Variants in PDGFD observed in about 807,000 individuals in gnomAD.
PDGFD encodes platelet-derived growth factor D.
A neutral mutation model predicts 44.7 loss-of-function variants in PDGFD; 30 were observed. The ratio of observed to expected loss-of-function variants is 0.67; its 90% CI spans 0.50 to 0.91. The LOEUF (loss-of-function observed/expected upper bound fraction) is 0.91. Ranked by LOEUF, PDGFD falls within the 40% of genes least tolerant of loss-of-function variation. The pLI, the probability that PDGFD is intolerant of heterozygous loss-of-function variation, is 0.00. For synonymous variants in PDGFD, 173 were observed against 168.4 expected, an observed-to-expected ratio of 1.03 and a Z score of -0.21; for missense variants, 445 against 457.8, an observed-to-expected ratio of 0.97 and a Z score of 0.25.
chr11:104,033,373 A>T (rs1860158911), intron 1 of PDGFD, among the ~76,000 whole-genome samples: 1 of 152,190 alleles, frequency 6.6e-6, no homozygotes, highest in Non-Finnish European at 1.5e-5. Context: ...GACCAATGAA[A>T]TGATGACAGC....
chr11:103,949,563 G>A (rs952041470), intron 3 of PDGFD, among the ~76,000 whole-genome samples: 3 of 152,220 alleles, frequency 2.0e-5, no homozygotes, highest in Admixed American at 1.3e-4. Context: ...GTATGGTAAT[G>A]ACAGGAGCAA....
chr11:104,142,420 T>C (rs768704743), intron 1 of PDGFD, among the ~76,000 whole-genome samples: 1 of 152,130 alleles, frequency 6.6e-6, no homozygotes, highest in African/African-American at 2.4e-5. Context: ...ATATTTAACA[T>C]ATATATGTAC....
At chr11:104,153,574 T>A (rs117120460) in intron 1 of PDGFD, among the ~76,000 whole-genome samples, 1,912 of 152,184 alleles carry the variant, frequency 0.013, 22 homozygotes, top group Middle Eastern at 0.037. Flanking sequence ...ATCTTTACAT[T>A]GACTCAACAG....
At position 103,927,075 on chromosome 11, in the gene PDGFD, C is replaced by G; in HGVS notation, c.824G>C (p.Arg275Thr). 1.2e-6 allele frequency: 2 copies of G among 1,614,142 alleles called. No individual in the cohort carries two copies. Among genetic ancestry groups the G allele is most frequent in the South Asian group, 1.1e-5 (1 of 91,070 alleles). Residue 275 changes from arginine (R) to threonine (T), a missense_variant, in exon 6 of 7, where the codon AGG (arginine) becomes ACG (threonine). Physicochemically the swap from Arg to Thr is moderately conservative, Grantham distance 71 (BLOSUM62 -1). Transcript: ENST00000393158. ...DDAKRYSCTP[R>T]NYSVNIREEL... ...TTCTCTTATATTGACCGAGTAATTC[C>G]TGGGAGTGCAACTGTAACGCTTGGC...
At chr11:104,054,930 A>T (rs1483762607) in intron 1 of PDGFD, among the ~76,000 whole-genome samples, 9 of 152,230 alleles carry the variant, frequency 5.9e-5, no homozygotes, top group Non-Finnish European at 2.9e-5. Flanking sequence ...TAACCTTTCC[A>T]AGCCTAATGT....
At chr11:104,043,765 T>C (rs1282944062) in intron 1 of PDGFD, among the ~76,000 whole-genome samples, 2 of 151,990 alleles carry the variant, frequency 1.3e-5, no homozygotes, top group African/African-American at 2.4e-5. Flanking sequence ...AAGAGAGCCA[T>C]GGGGGAGGTC....
intron 5 of PDGFD, among the ~76,000 whole-genome samples, chr11:103,932,572 T>C (rs2134314861): frequency 6.6e-6 from 1 of 152,320 alleles, no homozygotes; most frequent in Admixed American, 6.5e-5. Context: ...CTAATCATCT[T>C]TTTATCCCTT....
chr11:103,947,721 C>A lies in PDGFD; in HGVS notation c.514G>T (p.Asp172Tyr). The A allele has an allele frequency of 6.2e-7, 1 of 1,613,190 alleles. No homozygotes were observed. The highest frequency in any genetic ancestry group is 8.5e-7 in the Non-Finnish European group (1 of 1,179,250). ...GFKIYYSLLE[D>Y]FQPAAASETN... ...TCTGAAGCTGCTGCGGGTTGGAAAT[C>A]TTCCTGGAAGGCAAAGAAACATCTG... The change falls in exon 4 of 7, where the codon GAT becomes TAT. Residue 172 changes from aspartate (D) to tyrosine (Y), a missense_variant. By Grantham distance (160) the Asp-to-Tyr change is radical. Coordinates refer to ENST00000393158, the MANE Select transcript of PDGFD (RefSeq NM_025208.5).
intron 1 of PDGFD, among the ~76,000 whole-genome samples, chr11:104,030,286 T>A (rs1458604015): frequency 1.3e-5 from 2 of 152,180 alleles, no homozygotes; most frequent in African/African-American, 2.4e-5. Flanking sequence ...AAACCACCCA[T>A]AAATAATTTT....
intron 6 of PDGFD, among the ~76,000 whole-genome samples, chr11:103,911,429 C>CAACATTAACAA (rs1858027081): frequency 6.6e-6 from 1 of 152,122 alleles, no homozygotes; most frequent in African/African-American, 2.4e-5. Flanking sequence ...GGAATAGTAT[C>CAACATTAACAA]AACATTAACA....
intron 5 of PDGFD, among the ~76,000 whole-genome samples, chr11:103,940,848 A>T (rs908796937): frequency 6.6e-6 from 1 of 152,150 alleles, no homozygotes; most frequent in Non-Finnish European, 1.5e-5. Context: ...GGGGAGAGAG[A>T]CGATGTTTAC....
intron 2 of PDGFD, among the ~76,000 whole-genome samples, chr11:103,999,331 C>T (rs1296812484): frequency 1.3e-5 from 2 of 152,106 alleles, no homozygotes; most frequent in Non-Finnish European, 2.9e-5. Context: ...AAAAATCTTC[C>T]TCAAGTCTTA....
In PDGFD at chr11:103,984,275, T is replaced by C. The variant is rs575286212; in HGVS notation, c.510+11790A>G. ...TCCTTTGCAGGGACATGGATGGACC[T>C]GGAGGCCATTATCCTCAGCAAACTA... On this transcript the variant is annotated intron_variant, in intron 3 of 6. Coordinates refer to ENST00000393158, the MANE Select transcript of PDGFD (RefSeq NM_025208.5). 2.0e-5 allele frequency among the ~76,000 whole-genome samples: 3 copies of C among 151,832 alleles called. No homozygotes were observed. In the South Asian group the frequency reaches 6.2e-4, roughly 31 times the overall value.
At chr11:104,016,831 A>C (rs1859865071) in intron 1 of PDGFD, among the ~76,000 whole-genome samples, 2 of 152,242 alleles carry the variant, frequency 1.3e-5, no homozygotes, top group South Asian at 4.1e-4. Flanking sequence ...TGGGATTGGC[A>C]GAAAAATCTT....
chr11:104,138,006 G>C (rs1161117312), intron 1 of PDGFD, among the ~76,000 whole-genome samples: 1 of 152,022 alleles, frequency 6.6e-6, no homozygotes, highest in Non-Finnish European at 1.5e-5. Context: ...ATTGAAAGCA[G>C]AAAACATACC....
intron 6 of PDGFD, among the ~76,000 whole-genome samples, chr11:103,916,534 T>C (rs1014193788): frequency 2.6e-5 from 4 of 152,150 alleles, no homozygotes; most frequent in African/African-American, 9.7e-5. Context: ...GTGTGGAGAT[T>C]CCTTAAGGAT....
At chr11:104,009,301 G>T (rs887716732) in intron 1 of PDGFD, among the ~76,000 whole-genome samples, 1 of 151,990 alleles carries the variant, frequency 6.6e-6, no homozygotes, top group Non-Finnish European at 1.5e-5. Flanking sequence ...GCTGCTCTTG[G>T]ATTTATTAAG....
At chr11:104,063,948 A>G (rs924459288) in intron 1 of PDGFD, among the ~76,000 whole-genome samples, 1 of 152,172 alleles carries the variant, frequency 6.6e-6, no homozygotes, top group African/African-American at 2.4e-5. Context: ...GGAAGAAGGG[A>G]GAGGTTTCAG....
chr11:104,161,273 C>T (rs1862383441), intron 1 of PDGFD, among the ~76,000 whole-genome samples: 1 of 152,124 alleles, frequency 6.6e-6, no homozygotes, highest in African/African-American at 2.4e-5. Flanking sequence ...TGATTATATT[C>T]CATGTTCATG....
Sources: gnomAD v4.1 joint callset for allele counts (sites outside exome capture counted in the v4.1 genomes callset) on GRCh38, gnomAD v4.1.1 for gene constraint, MANE v1.5 for transcripts, NCBI Gene and HGNC (gene_info 2026-07-23, HGNC 2026-07-21) for gene names.